The following THSD7A variants were observed in gnomAD, a reference collection of about 807,000 sequenced individuals.
THSD7A encodes the protein thrombospondin type-1 domain-containing protein 7A.
A neutral mutation model predicts 231.3 loss-of-function variants in THSD7A; 96 were observed. The observed-to-expected ratio is 0.41, with a 90% confidence interval of 0.35 to 0.49. The LOEUF (loss-of-function observed/expected upper bound fraction) is 0.49, where lower values mean the gene tolerates loss of function less well. THSD7A is among the 20% of genes least tolerant of loss of function. The probability of loss-of-function intolerance (pLI) is 0.05; values close to 1 mark genes in which losing one functional copy is unlikely to be tolerated. For synonymous variants in THSD7A, 940 were observed against 743.3 expected (o/e 1.26, Z -4.30); for missense variants, 2,290 against 2,070.2 (o/e 1.11, Z -2.06).
chr7:11,750,018 A>ATT (rs561367892), intron 1 of THSD7A, among the ~76,000 whole-genome samples: 1,846 of 140,690 alleles, frequency 0.013, 31 homozygotes, highest in African/African-American at 0.045. Context: ...AGTGGCCAGA[A>ATT]TTTTTTTTTT....
chr7:11,785,668 A>C (rs189994908), intron 1 of THSD7A, among the ~76,000 whole-genome samples: 1 of 152,202 alleles, frequency 6.6e-6, no homozygotes, highest in East Asian at 1.9e-4. Context: ...ATATTCAAGA[A>C]ATCCATGATA....
At chr7:11,769,143 A>ATTTTTTTTTTTTTTTT (rs1306458383) in intron 1 of THSD7A, among the ~76,000 whole-genome samples, 1 of 35,286 alleles carries the variant, frequency 2.8e-5, no homozygotes, top group African/African-American at 8.8e-5. Flanking sequence ...ATATATATAT[A>ATTTTTTTTTTTTTTTT]TATATATATA....
intron 22 of THSD7A, among the ~76,000 whole-genome samples, chr7:11,404,847 A>G (rs775813415): frequency 2.6e-5 from 4 of 152,184 alleles, no homozygotes; most frequent in East Asian, 3.8e-4. Flanking sequence ...ACAATACAGT[A>G]TTGTTAACTA....
At chr7:11,423,581 G>C (rs1784224350) in intron 16 of THSD7A, among the ~76,000 whole-genome samples, 1 of 152,014 alleles carries the variant, frequency 6.6e-6, no homozygotes, top group Non-Finnish European at 1.5e-5. Flanking sequence ...GTGTTAGCCA[G>C]GATGGTCTCA....
At chr7:11,465,092 T>C (rs1393568901) in intron 9 of THSD7A, among the ~76,000 whole-genome samples, 1 of 152,188 alleles carries the variant, frequency 6.6e-6, no homozygotes, top group Non-Finnish European at 1.5e-5. Flanking sequence ...GATATATTTG[T>C]AGTGTTTCTA....
At chr7:11,644,959 G>A (rs1463802012) in intron 1 of THSD7A, among the ~76,000 whole-genome samples, 1 of 151,904 alleles carries the variant, frequency 6.6e-6, no homozygotes, top group Non-Finnish European at 1.5e-5. Context: ...ATGTATCAGT[G>A]ACAACTTCCT....
intron 1 of THSD7A, among the ~76,000 whole-genome samples, chr7:11,828,979 T>C (rs952631094): frequency 1.5e-4 from 23 of 152,292 alleles, no homozygotes; most frequent in African/African-American, 5.5e-4. Context: ...ACCTTTATGA[T>C]GATCCAGTTC....
intron 1 of THSD7A, among the ~76,000 whole-genome samples, chr7:11,659,536 C>A (rs1469170710): frequency 6.6e-6 from 1 of 151,310 alleles, no homozygotes; most frequent in Non-Finnish European, 1.5e-5. Context: ...GATCTCTTCC[C>A]TATTATTATT....
At chr7:11,657,741 C>T (rs1026046355) in intron 1 of THSD7A, among the ~76,000 whole-genome samples, 2 of 151,764 alleles carry the variant, frequency 1.3e-5, no homozygotes, top group African/African-American at 4.8e-5. Context: ...GTAGTTCCCA[C>T]TATAGTGCTA....
chr7:11,506,213 G>C (rs528980515), intron 6 of THSD7A, among the ~76,000 whole-genome samples: 4 of 152,178 alleles, frequency 2.6e-5, no homozygotes, highest in African/African-American at 9.6e-5. Flanking sequence ...TGATGGTTTC[G>C]ATCTCCTGAC....
intron 1 of THSD7A, among the ~76,000 whole-genome samples, chr7:11,808,837 A>C (rs187661388): frequency 6.6e-6 from 1 of 152,154 alleles, no homozygotes; most frequent in African/African-American, 2.4e-5. Flanking sequence ...CAAAAAATAT[A>C]TACCTACAAG....
chr7:11,573,779 G>T (rs1269529238), intron 4 of THSD7A, among the ~76,000 whole-genome samples: 1 of 152,162 alleles, frequency 6.6e-6, no homozygotes, highest in Non-Finnish European at 1.5e-5. Flanking sequence ...GTACAGATTA[G>T]TCTGTAATCG....
In THSD7A at chr7:11,406,922, T is replaced by A. The variant is rs1461718672; in HGVS notation, c.4050A>T (p.Pro1350=). Reference sequence around the variant, plus strand: ...TGAGATTTGATACCTGCACTTGGCATGGAGACCACTGGCCATATTGCCACC... The same window carrying A: ...TGAGATTTGATACCTGCACTTGGCAAGGAGACCACTGGCCATATTGCCACC... ...CYRWQYGQWS[P]CQVQEAQCGE... is the part of the protein sequence containing the mutation. The change falls in exon 21 of 28, where the codon CCA becomes CCT. Residue 1350 remains proline, a synonymous_variant. Transcript: ENST00000423059. The surrounding 1 kb of genome is among the most constrained non-coding windows in gnomAD (Gnocchi z 4.7). The A allele has an allele frequency of 6.2e-7, 1 of 1,613,858 alleles. No individual in the cohort carries two copies. The highest frequency in any genetic ancestry group is 1.3e-5 in the African/African-American group (1 of 75,038).
intron 13 of THSD7A, among the ~76,000 whole-genome samples, chr7:11,439,832 G>A (rs553939669): frequency 6.6e-6 from 1 of 152,184 alleles, no homozygotes; most frequent in South Asian, 2.1e-4. Context: ...AGCAAGTGCT[G>A]ATATAGAAGC....
At chr7:11,424,597 T>C (rs1784256480) in intron 16 of THSD7A, 99 bp downstream of exon 16, 2 of 1,516,356 alleles carry the variant, frequency 1.3e-6, no homozygotes, top group Non-Finnish European at 1.8e-6. Context: ...GACAATTTTA[T>C]CCAGAAGACT....
At chr7:11,566,819 C>T (rs1790348872) in intron 4 of THSD7A, among the ~76,000 whole-genome samples, 1 of 152,012 alleles carries the variant, frequency 6.6e-6, no homozygotes. Flanking sequence ...AGAAGAGTGA[C>T]ACCAGAAATT....
chr7:11,576,821 A>G (rs929954041), intron 4 of THSD7A, among the ~76,000 whole-genome samples: 2 of 152,260 alleles, frequency 1.3e-5, no homozygotes, highest in Middle Eastern at 3.4e-3. Context: ...TAAGAAGTAG[A>G]TTTCTAGGCC....
intron 13 of THSD7A, among the ~76,000 whole-genome samples, chr7:11,434,318 T>A (rs947158763): frequency 6.6e-6 from 1 of 152,062 alleles, no homozygotes; most frequent in Non-Finnish European, 1.5e-5. Context: ...CTTGGAAAAA[T>A]TAAACTCCAG....
chr7:11,764,518 C>T (rs1225632126), intron 1 of THSD7A, among the ~76,000 whole-genome samples: 2 of 146,778 alleles, frequency 1.4e-5, no homozygotes, highest in African/African-American at 5.1e-5. Flanking sequence ...GAGGCGGAGC[C>T]GAGATAGCGC....
Sources: allele counts gnomAD v4.1 joint callset (sites outside exome capture counted in the v4.1 genomes callset), GRCh38; gene constraint gnomAD v4.1.1; non-coding constraint Gnocchi (gnomAD v3.1); transcripts MANE v1.5; gene names NCBI Gene and HGNC (gene_info 2026-07-23, HGNC 2026-07-21).